Variants in WSCD1 observed in about 807,000 individuals in gnomAD.
WSCD1 encodes the protein sialate:O-sulfotransferase 1.
WSCD1 carries 41 observed loss-of-function variants against 60.4 expected under a neutral mutation model. The ratio of observed to expected loss-of-function variants is 0.68; its 90% confidence interval spans 0.53 to 0.88. The LOEUF is 0.88. WSCD1 is among the 40% of genes least tolerant of loss of function. The pLI, the probability that WSCD1 is intolerant of heterozygous loss-of-function variation, is 0.00. For missense variants in WSCD1, 784 were observed against 796.2 expected (o/e 0.98, Z 0.18); for synonymous variants, 361 against 332.5 (o/e 1.09, Z -0.93).
chr17:6,090,414 T>G lies in WSCD1; in HGVS notation c.636T>G (p.His212Gln). 1 of 1,612,268 alleles carries G rather than the reference T, an allele frequency of 6.2e-7. No individual in the cohort carries two copies. Among genetic ancestry groups the G allele is most frequent in the Non-Finnish European group, 8.5e-7 (1 of 1,179,280 alleles). The change falls in exon 4 of 9, where the codon CAT (histidine) becomes CAG (glutamine). Residue 212 changes from histidine (H) to glutamine (Q), a missense_variant. Transcript: ENST00000317744. ...GCGTGGGGCTGGAAGAGTGTAACCA[T>G]GAGTGCAAAGGCGAGAAGGGCTCTG... ...AVSVGLEECN[H>Q]ECKGEKGSVC...
upstream of WSCD1, chr17:6,069,416 TGTGTGTGTGTGTGAGAGAGA>T (rs1463541120): frequency 4.5e-4 from 146 of 327,014 alleles, no homozygotes; most frequent in African/African-American, 4.1e-3. Flanking sequence ...TGTGTGTGTG[TGTGTGTGTGTGTGAGAGAGA>T]GAGAGAGAGA....
upstream of WSCD1, chr17:6,070,287 AC>A (rs1269484427): frequency 6.8e-6 from 1 of 146,648 alleles, no homozygotes; most frequent in Non-Finnish European, 1.5e-5. Flanking sequence ...CGGAGCCGCG[AC>A]CCCTCCCCCG....
intron 5 of WSCD1, among the ~76,000 whole-genome samples, chr17:6,103,296 A>G (rs1910906064): frequency 6.6e-6 from 1 of 152,190 alleles, no homozygotes; most frequent in South Asian, 2.1e-4. Flanking sequence ...CATTGTGATT[A>G]TTCAGTGTCC....
At chr17:6,102,801 A>T (rs973283171) in intron 5 of WSCD1, among the ~76,000 whole-genome samples, 1 of 152,016 alleles carries the variant, frequency 6.6e-6, no homozygotes, top group African/African-American at 2.4e-5. Context: ...CTCCTGAGGG[A>T]CATTTAGGCC....
chr17:6,118,204 G>A lies in WSCD1; in HGVS notation c.1375+16G>A. On this transcript the variant is annotated intron_variant, in intron 8 of 8. Transcript: ENST00000317744. This position sits in a 1 kb window ranked among gnomAD's most constrained non-coding sequence, Gnocchi z 5.8. ...AAGAGCAAAGGTAATCAAGGACCTT[G>A]CGGTGGGGGTGGGAGGCTTGTCAGT... The A allele has an allele frequency of 6.2e-7, 1 of 1,613,036 alleles. No individual in the cohort carries two copies. Among genetic ancestry groups the A allele is most frequent in the Non-Finnish European group, 8.5e-7 (1 of 1,179,660 alleles).
chr17:6,099,376 G>A (rs1910650853), intron 5 of WSCD1, among the ~76,000 whole-genome samples: 2 of 152,032 alleles, frequency 1.3e-5, no homozygotes, highest in Admixed American at 6.5e-5. Flanking sequence ...TTAGCCAGGT[G>A]TGGTGGCGCC....
intron 3 of WSCD1, among the ~76,000 whole-genome samples, chr17:6,089,141 C>T (rs1243817746): frequency 1.3e-5 from 2 of 152,174 alleles, no homozygotes; most frequent in African/African-American, 2.4e-5. Flanking sequence ...ATTAGTTATC[C>T]CCATTTTACA....
rs1214154224 is a variant in WSCD1, at chr17:6,123,777, G to A, written c.*3116G>A. On this transcript the variant is annotated 3_prime_UTR_variant, in exon 9 of 9. Coordinates refer to ENST00000317744, the MANE Select transcript of WSCD1 (RefSeq NM_015253.2). ...CCTATTTATCACCACTCAATATTGG[G>A]TGAGTTGGTCTGAACAAGGTGGGGA... The A allele has an allele frequency of 6.6e-6, 1 of 152,186 alleles. No homozygotes were observed. Among genetic ancestry groups the A allele is most frequent in the African/African-American group, 2.4e-5 (1 of 41,440 alleles). 9.4% of individuals were successfully genotyped at this position (152,186 alleles called of 1,614,324 possible).
intron 5 of WSCD1, among the ~76,000 whole-genome samples, chr17:6,108,322 C>T (rs1357711963): frequency 6.6e-6 from 1 of 152,070 alleles, no homozygotes; most frequent in African/African-American, 2.4e-5. Flanking sequence ...TGCAGTGTTC[C>T]CCTTAGCAGT....
At chr17:6,119,588 C>A (rs553433759) in intron 8 of WSCD1, among the ~76,000 whole-genome samples, 1 of 152,164 alleles carries the variant, frequency 6.6e-6, no homozygotes, top group African/African-American at 2.4e-5. Flanking sequence ...TTCCCCTTCC[C>A]CCATCATCCT....
At chr17:6,069,802 CGT>C (rs1184728066), upstream of WSCD1, among the ~76,000 whole-genome samples, 5,978 of 83,094 alleles carry the variant, frequency 0.072, 379 homozygotes, top group African/African-American at 0.23. Context: ...TGTGTGTGTG[CGT>C]GCGTGTGTGG....
chr17:6,073,169 C>T (rs2150524598), intron 1 of WSCD1, among the ~76,000 whole-genome samples: 1 of 152,306 alleles, frequency 6.6e-6, no homozygotes, highest in Admixed American at 6.5e-5. Context: ...GCAGGTCTGA[C>T]TTTGGTTGGG....
chr17:6,077,320 C>T (rs1908931163), intron 1 of WSCD1, among the ~76,000 whole-genome samples: 3 of 152,100 alleles, frequency 2.0e-5, no homozygotes, highest in Admixed American at 6.5e-5. Flanking sequence ...ATCTCTTGAC[C>T]TTGTGATCCA....
intron 5 of WSCD1, among the ~76,000 whole-genome samples, chr17:6,108,577 C>G (rs1458504047): frequency 6.6e-6 from 1 of 152,178 alleles, no homozygotes; most frequent in African/African-American, 2.4e-5. Flanking sequence ...CGAGAATGAC[C>G]TCTTCCTCCT....
At position 6,109,711 on chromosome 17, in the gene WSCD1, C is replaced by T. The variant is rs765394349; in HGVS notation, c.954C>T (p.Asp318=). 1 of 1,614,098 alleles carries T rather than the reference C, an allele frequency of 6.2e-7. No individual in the cohort carries two copies. Among genetic ancestry groups the T allele is most frequent in the Non-Finnish European group, 8.5e-7 (1 of 1,180,010 alleles). ...DAMDSSVCGQ[D]PEAQRLAEYC... is the part of the protein sequence containing the mutation. ...TGGACAGCTCAGTATGTGGCCAGGA[C>T]CCTGAGGCACAGAGGCTGGCAGAAT... The change falls in exon 6 of 9, where the codon GAC becomes GAT. Residue 318 remains aspartate, a synonymous_variant. Coordinates refer to ENST00000317744, the MANE Select transcript of WSCD1 (RefSeq NM_015253.2).
intron 4 of WSCD1, among the ~76,000 whole-genome samples, chr17:6,091,141 G>T (rs1910012572): frequency 6.6e-6 from 1 of 152,192 alleles, no homozygotes; most frequent in Non-Finnish European, 1.5e-5. Flanking sequence ...TGATCTGCCT[G>T]TCTCGGCCTC....
intron 1 of WSCD1, among the ~76,000 whole-genome samples, chr17:6,079,546 TTGCAGG>T (rs1402994172): frequency 6.6e-6 from 1 of 152,226 alleles, no homozygotes; most frequent in African/African-American, 2.4e-5. Context: ...CAGCCTCTGT[TTGCAGG>T]TGCACGGCTC....
At chr17:6,116,677 A>G (rs1407268546) in intron 7 of WSCD1, among the ~76,000 whole-genome samples, 1 of 152,252 alleles carries the variant, frequency 6.6e-6, no homozygotes, top group Non-Finnish European at 1.5e-5. Context: ...CCCATGGCAG[A>G]GATAAGTTTG....
intron 2 of WSCD1, among the ~76,000 whole-genome samples, chr17:6,086,854 C>A (rs1909685528): frequency 6.6e-6 from 1 of 152,146 alleles, no homozygotes; most frequent in Non-Finnish European, 1.5e-5. Context: ...GGCCTGTGGA[C>A]CATCAGGACT....
Sources: allele counts gnomAD v4.1 joint callset (sites outside exome capture counted in the v4.1 genomes callset), GRCh38; gene constraint gnomAD v4.1.1; non-coding constraint Gnocchi (gnomAD v3.1); transcripts MANE v1.5; gene names NCBI Gene and HGNC (gene_info 2026-07-23, HGNC 2026-07-21).